Variants in PPP4R4 observed in about 807,000 individuals in gnomAD.
PPP4R4 encodes protein phosphatase 4 regulatory subunit 4, also known as serine/threonine-protein phosphatase 4 regulatory subunit 4.
PPP4R4 carries 70 observed loss-of-function variants against 121.8 expected under a neutral mutation model. That is an observed-to-expected ratio of 0.57 (90% confidence interval 0.47 to 0.70). The LOEUF (loss-of-function observed/expected upper bound fraction) is 0.70, where lower values mean the gene tolerates loss of function less well. PPP4R4 is among the 30% of genes least tolerant of loss of function. The pLI is 0.00. For missense variants in PPP4R4, 875 were observed against 1,033.6 expected, an observed-to-expected ratio of 0.85 and a Z score of 2.10; for synonymous variants, 348 against 355.7, an observed-to-expected ratio of 0.98 and a Z score of 0.24.
chr14:94,209,526 A>C (rs1890631215), intron 3 of PPP4R4, among the ~76,000 whole-genome samples: 2 of 152,092 alleles, frequency 1.3e-5, no homozygotes, highest in Admixed American at 1.3e-4. Flanking sequence ...GAACATTTTG[A>C]CTGATTACAA....
chr14:94,273,575 C>T (rs756083800), intron 23 of PPP4R4, among the ~76,000 whole-genome samples: 11 of 152,194 alleles, frequency 7.2e-5, no homozygotes, highest in East Asian at 1.9e-4. Flanking sequence ...GTAGCATGTA[C>T]GCCATTAAGA....
At chr14:94,182,118 T>C (rs1459979674) in intron 2 of PPP4R4, among the ~76,000 whole-genome samples, 1 of 152,204 alleles carries the variant, frequency 6.6e-6, no homozygotes, top group African/African-American at 2.4e-5. Context: ...TGCTCTGTGA[T>C]GATCTTGCTT....
chr14:94,239,125 C>G (rs1478096509), intron 8 of PPP4R4, among the ~76,000 whole-genome samples: 2 of 151,544 alleles, frequency 1.3e-5, no homozygotes, highest in Non-Finnish European at 2.9e-5. Flanking sequence ...CACCTCTAGT[C>G]TTCTCTCATA....
At chr14:94,204,278 G>A (rs769877990) in intron 2 of PPP4R4, among the ~76,000 whole-genome samples, 4 of 151,186 alleles carry the variant, frequency 2.6e-5, no homozygotes, top group Non-Finnish European at 5.9e-5. Flanking sequence ...GTTTTTTTTT[G>A]TTTTTAATTT....
intron 16 of PPP4R4, among the ~76,000 whole-genome samples, chr14:94,253,389 G>A (rs1893294482): frequency 6.6e-6 from 1 of 151,594 alleles, no homozygotes; most frequent in Admixed American, 6.6e-5. Flanking sequence ...GAACCTGGGA[G>A]GTGGAGGTTG....
intron 23 of PPP4R4, among the ~76,000 whole-genome samples, chr14:94,270,318 C>T (rs1894258051): frequency 6.6e-6 from 1 of 151,902 alleles, no homozygotes; most frequent in African/African-American, 2.4e-5. Context: ...CTAAATTGAT[C>T]CAGAGATTCA....
chr14:94,239,195 T>G (rs1892496576), intron 8 of PPP4R4, among the ~76,000 whole-genome samples: 1 of 142,682 alleles, frequency 7.0e-6, no homozygotes, highest in African/African-American at 2.9e-5. Flanking sequence ...TCCTTCTGCT[T>G]CTTTTTTTTT....
chr14:94,244,524 G>A, intron 11 of PPP4R4, 111 bp from the exon 12 acceptor site: 2 of 875,108 alleles, frequency 2.3e-6, no homozygotes, highest in Non-Finnish European at 3.2e-6. Flanking sequence ...GTTATAACAT[G>A]GCTTTATTTT....
intron 2 of PPP4R4, among the ~76,000 whole-genome samples, chr14:94,202,601 A>G (rs766916804): frequency 1.3e-5 from 2 of 152,216 alleles, no homozygotes; most frequent in Non-Finnish European, 2.9e-5. Context: ...AATCATGGGT[A>G]CATACTGGAT....
At chr14:94,244,772 G>A in intron 12 of PPP4R4, 60 bp downstream of exon 12, 4 of 1,396,124 alleles carry the variant, frequency 2.9e-6, no homozygotes, top group Non-Finnish European at 2.8e-6. Context: ...ATATACCAAT[G>A]CCTTTTCTCC....
At chr14:94,201,529 A>G (rs1365514070) in intron 2 of PPP4R4, among the ~76,000 whole-genome samples, 1 of 152,084 alleles carries the variant, frequency 6.6e-6, no homozygotes, top group African/African-American at 2.4e-5. Flanking sequence ...TAGGATTGTG[A>G]TATTTCACTG....
At chr14:94,220,324 T>G (rs1891315357) in intron 3 of PPP4R4, among the ~76,000 whole-genome samples, 1 of 152,188 alleles carries the variant, frequency 6.6e-6, no homozygotes, top group Non-Finnish European at 1.5e-5. Context: ...GTGAAAGACT[T>G]TTTCCTAAGA....
intron 2 of PPP4R4, among the ~76,000 whole-genome samples, chr14:94,184,694 T>C (rs953426180): frequency 2.0e-5 from 3 of 152,224 alleles, no homozygotes; most frequent in Non-Finnish European, 4.4e-5. Flanking sequence ...GGCTATCAAA[T>C]GTGGAAAGCA....
intron 3 of PPP4R4, among the ~76,000 whole-genome samples, chr14:94,212,551 A>T (rs1397186654): frequency 6.6e-6 from 1 of 152,134 alleles, no homozygotes; most frequent in African/African-American, 2.4e-5. Flanking sequence ...TTTGACCTCC[A>T]ATTTAAATTT....
At chr14:94,175,188 C>T (rs948749126) in intron 1 of PPP4R4, among the ~76,000 whole-genome samples, 3 of 151,006 alleles carry the variant, frequency 2.0e-5, no homozygotes, top group Non-Finnish European at 4.4e-5. Context: ...AGATCAAGCT[C>T]GGGTCCTTCT....
intron 2 of PPP4R4, among the ~76,000 whole-genome samples, chr14:94,198,806 C>T (rs1199746638): frequency 6.6e-5 from 10 of 152,178 alleles, no homozygotes; most frequent in Admixed American, 6.5e-4. Context: ...GTTGTCGTTT[C>T]ACCTTTTTAA....
At chr14:94,257,181 A>C (rs72704307) in intron 17 of PPP4R4, among the ~76,000 whole-genome samples, 35,835 of 151,956 alleles carry the variant, frequency 0.24, 5,066 homozygotes, top group East Asian at 0.59. Flanking sequence ...TGTTTGTTTT[A>C]GCATGAGATC....
chr14:94,223,399 T>A (rs1891520834), intron 3 of PPP4R4, among the ~76,000 whole-genome samples: 1 of 152,178 alleles, frequency 6.6e-6, no homozygotes, highest in Non-Finnish European at 1.5e-5. Context: ...TTTCAGGTAC[T>A]GGATGATTTG....
At chr14:94,237,818 T>A in intron 8 of PPP4R4, 132 bp downstream of exon 8, 1 of 1,212,756 alleles carries the variant, frequency 8.2e-7, no homozygotes, top group Non-Finnish European at 1.1e-6. Context: ...TTTTTATGAT[T>A]CATTCTGTTT....
Sources: allele counts gnomAD v4.1 joint callset (sites outside exome capture counted in the v4.1 genomes callset), GRCh38; gene constraint gnomAD v4.1.1; transcripts MANE v1.5; gene names NCBI Gene and HGNC (gene_info 2026-07-23, HGNC 2026-07-21).